The following KCNH6 variants were observed in gnomAD, a reference collection of about 807,000 sequenced individuals.
KCNH6 encodes the protein potassium voltage-gated channel subfamily H member 6.
Under a neutral mutation model 83.4 loss-of-function variants are expected in KCNH6, and 81 were observed. The observed-to-expected ratio is 0.97, with a 90% CI of 0.81 to 1.17. The LOEUF is 1.17. Ranked by LOEUF, KCNH6 falls within the 50% of genes most tolerant of loss-of-function variation. KCNH6 has a pLI of 0.00. For synonymous variants in KCNH6, 503 were observed against 545.6 expected (o/e 0.92, Z 1.09); for missense variants, 1,203 against 1,290.5 (o/e 0.93, Z 1.04).
chr17:63,535,940 C>T lies in KCNH6; in HGVS notation c.1373C>T (p.Ser458Leu), dbSNP rs759261043. 9.9e-6 allele frequency: 16 copies of T among 1,613,878 alleles called. No individual in the cohort carries two copies. The highest frequency in any genetic ancestry group is 1.6e-4 in the Middle Eastern group (1 of 6,084). The change falls in exon 6 of 13, where the codon TCG (serine) becomes TTG (leucine). Residue 458 changes from serine (S) to leucine (L), a missense_variant. Transcript: ENST00000314672. This position sits in a 1 kb window ranked among gnomAD's most constrained non-coding sequence, Gnocchi z 4.9. ...YNGSDPASGP[S>L]VQDKYVTALY... Reference sequence around the variant, plus strand: ...GGCAGCGACCCAGCCTCGGGCCCCTCGGTGCAGGACAAGTATGTCACAGCC... The same window carrying T: ...GGCAGCGACCCAGCCTCGGGCCCCTTGGTGCAGGACAAGTATGTCACAGCC...
At position 63,534,231 on chromosome 17, in the gene KCNH6, T is replaced by G. The variant is rs1292061507; in HGVS notation, c.1021T>G (p.Tyr341Asp). 1 of 1,614,122 alleles carries G rather than the reference T, an allele frequency of 6.2e-7. No homozygotes were observed. The highest frequency in any genetic ancestry group is 8.5e-7 in the Non-Finnish European group (1 of 1,179,984). Residue 341 changes from tyrosine (Y) to aspartate (D), a missense_variant, in exon 5 of 13, where the codon TAC becomes GAC. Transcript: ENST00000314672. This position sits in a 1 kb window ranked among gnomAD's most constrained non-coding sequence, Gnocchi z 5.0. ...CCACCCCCGCCGCATCGCCGTCCACTACTTCAAGGGCTGGTTCCTCATTGA... is the reference window on the plus strand; with the variant it reads ...CCACCCCCGCCGCATCGCCGTCCACGACTTCAAGGGCTGGTTCCTCATTGA... ...VSHPRRIAVH[Y>D]FKGWFLIDMV... is the part of the protein sequence containing the mutation.
intron 2 of KCNH6, among the ~76,000 whole-genome samples, chr17:63,527,960 TC>T (rs757627720): frequency 2.6e-5 from 4 of 152,136 alleles, no homozygotes; most frequent in Non-Finnish European, 5.9e-5. Context: ...TTTGGTCCAT[TC>T]CCAGCCGCAG....
In KCNH6 at chr17:63,538,056, C is replaced by G; in HGVS notation, c.1502-9C>G. On this transcript the variant is annotated splice_polypyrimidine_tract_variant and intron_variant, in intron 6 of 12. Transcript: ENST00000314672. The surrounding 1 kb of genome is among the most constrained non-coding windows in gnomAD (Gnocchi z 4.0). ...CCGCGGAGGAGCTCACTCTCCGCCC[C>G]GCCCCCAGCCCTGATGTACGCCAGC... The G allele has an allele frequency of 6.2e-7, 1 of 1,611,702 alleles. No individual in the cohort carries two copies. Among genetic ancestry groups the G allele is most frequent in the Non-Finnish European group, 8.5e-7 (1 of 1,179,622 alleles).
Position 63,533,643 on chromosome 17 carries a change from G to A in KCNH6, c.676-243G>A, listed in dbSNP as rs1035111699. On this transcript the variant is annotated intron_variant, in intron 4 of 12. Coordinates refer to ENST00000314672, the MANE Select transcript of KCNH6 (RefSeq NM_001278919.2). This position sits in a 1 kb window ranked among gnomAD's most constrained non-coding sequence, Gnocchi z 4.1. ...ATCAAACCTGGTGTCGCTATGGGGC[G>A]GAGCCATACCCCTCCTCTTGCATCC... is the stretch of plus-strand genomic sequence containing the variant. 6.6e-6 allele frequency among the ~76,000 whole-genome samples: 1 copy of A among 152,022 alleles called. No homozygotes were observed. The highest frequency in any genetic ancestry group is 2.4e-5 in the African/African-American group (1 of 41,370).
chr17:63,538,502 C>T lies in KCNH6; in HGVS notation c.1794C>T (p.Ala598=), dbSNP rs1281077710. Residue 598 remains alanine (A), a synonymous_variant, in exon 8 of 13, where the codon GCC becomes GCT. Transcript: ENST00000314672. The surrounding 1 kb of genome is among the most constrained non-coding windows in gnomAD (Gnocchi z 4.0). The part of the protein sequence containing the change: ...LLQHCPAFSG[A]GKGCLRALAV... ...AGCACTGCCCAGCTTTCAGCGGCGC[C>T]GGCAAGGGCTGCCTGCGCGCGCTAG... 2.5e-6 allele frequency: 4 copies of T among 1,602,304 alleles called. No homozygotes were observed. Among genetic ancestry groups the T allele is most frequent in the South Asian group, 1.1e-5 (1 of 89,750 alleles).
intron 4 of KCNH6, among the ~76,000 whole-genome samples, chr17:63,531,800 T>TGGCTGGGCCCATAGTCCC (rs2032132573): frequency 1.3e-5 from 2 of 152,158 alleles, no homozygotes; most frequent in East Asian, 3.9e-4. Flanking sequence ...CAGCCAGGCC[T>TGGCTGGGCCCATAGTCCC]GGCTGGGCCC....
At chr17:63,529,439 C>G (rs1378650132) in intron 2 of KCNH6, among the ~76,000 whole-genome samples, 2 of 152,236 alleles carry the variant, frequency 1.3e-5, no homozygotes, top group African/African-American at 2.4e-5. Flanking sequence ...TCCTCCCAAA[C>G]AAGTCCCTTC....
chr17:63,544,427 T>C lies in KCNH6; in HGVS notation c.2396+16T>C, dbSNP rs774485622. 6.5e-7 allele frequency: 1 copy of C among 1,526,986 alleles called. No individual in the cohort carries two copies. Among genetic ancestry groups the C allele is most frequent in the South Asian group, 1.3e-5 (1 of 76,836 alleles). 94.6% of individuals were successfully genotyped at this position (1,526,986 alleles called of 1,614,324 possible). A position where few individuals can be genotyped will look rare whatever the true frequency, so the allele number is the denominator to read the frequency against. On this transcript the variant is annotated intron_variant, in intron 11 of 12. Coordinates refer to ENST00000314672, the MANE Select transcript of KCNH6 (RefSeq NM_001278919.2). ...AGATGAACAGGTGTGTGTGCTGTGG[T>C]CAGGGCTGGGGGCTGGTCATGGGTA...
At position 63,536,048 on chromosome 17, in the gene KCNH6, T is replaced by C. The variant is rs1409695377; in HGVS notation, c.1481T>C (p.Ile494Thr). The C allele has an allele frequency of 6.2e-7, 1 of 1,613,492 alleles. No homozygotes were observed. Among genetic ancestry groups the C allele is most frequent in the Non-Finnish European group, 8.5e-7 (1 of 1,179,954 alleles). The change falls in exon 6 of 13, where the codon ATC (isoleucine) becomes ACC (threonine). Residue 494 changes from isoleucine to threonine, a missense_variant. Transcript: ENST00000314672. ...ACCAACTCCGAGAAGGTCTTCTCCA[T>C]CTGCGTCATGCTCATCGGCTGTGAG... The part of the protein sequence containing the change: ...PNTNSEKVFS[I>T]CVMLIGSLMY...
intron 10 of KCNH6, 69 bp downstream of exon 10, chr17:63,543,729 C>T (rs2033000807): frequency 1.1e-6 from 1 of 930,332 alleles, no homozygotes; most frequent in African/African-American, 1.6e-5. Context: ...CTCCCATGTC[C>T]TCTCCATCCT....
At chr17:63,548,204 T>C (rs1171975284), downstream of KCNH6, among the ~76,000 whole-genome samples, 1 of 152,008 alleles carries the variant, frequency 6.6e-6, no homozygotes, top group African/African-American at 2.4e-5. Flanking sequence ...AGGTGGAGCT[T>C]GTAGTGAGCC....
At chr17:63,531,806 G>A (rs1211432006) in intron 4 of KCNH6, among the ~76,000 whole-genome samples, 1 of 152,120 alleles carries the variant, frequency 6.6e-6, no homozygotes, top group Admixed American at 6.5e-5. Context: ...GGCCTGGCTG[G>A]GCCCATAGTC....
In KCNH6 at chr17:63,535,531, TG is replaced by T; in HGVS notation, c.1102-137del. ...TCCCATACTGTGCCACACTGCCAAGTGCGTGGCCCGGAGGAAGTTCTCCATA... is the reference window on the plus strand; with the variant it reads ...TCCCATACTGTGCCACACTGCCAAGTCGTGGCCCGGAGGAAGTTCTCCATA... On this transcript the variant is annotated intron_variant, in intron 5 of 12. Coordinates refer to ENST00000314672, the MANE Select transcript of KCNH6 (RefSeq NM_001278919.2). The surrounding 1 kb of genome is among the most constrained non-coding windows in gnomAD (Gnocchi z 4.9). 1.3e-6 allele frequency: 1 copy of T among 752,346 alleles called. No individual in the cohort carries two copies. 46.6% of individuals were successfully genotyped at this position (752,346 alleles called of 1,614,324 possible).
chr17:63,524,127 C>G lies in KCNH6; in HGVS notation c.77-12C>G, dbSNP rs1471606083. 6.2e-7 allele frequency: 1 copy of G among 1,602,706 alleles called. No individual in the cohort carries two copies. The highest frequency in any genetic ancestry group is 8.5e-7 in the Non-Finnish European group (1 of 1,169,894). On this transcript the variant is annotated splice_polypyrimidine_tract_variant and intron_variant, in intron 1 of 12. Transcript: ENST00000314672. ...CTCCCATGGACTTTTTGCCTCCCAC[C>G]TCCCACCCCAGGTCGGAAGTTCCTG...
At position 63,535,167 on chromosome 17, in the gene KCNH6, C is replaced by T. The variant is rs1460401666; in HGVS notation, c.1102-502C>T. Among the ~76,000 whole-genome samples, 1 of 152,238 alleles carries T rather than the reference C, an allele frequency of 6.6e-6. No individual in the cohort carries two copies. Among genetic ancestry groups the T allele is most frequent in the Non-Finnish European group, 1.5e-5 (1 of 68,038 alleles). ...AGTTCATGATGGACCCTGAAGCCCA[C>T]AGGCAGCAGCCCCTGCCCGCCCTGC... On this transcript the variant is annotated intron_variant, in intron 5 of 12. Transcript: ENST00000314672. The surrounding 1 kb of genome is among the most constrained non-coding windows in gnomAD (Gnocchi z 4.9).
rs777887283 is a variant in KCNH6, at chr17:63,524,187, T to C, written c.125T>C (p.Ile42Thr). The change falls in exon 2 of 13, where the codon ATT (isoleucine) becomes ACT (threonine). Residue 42 changes from isoleucine to threonine, a missense_variant. Physicochemically the swap from Ile to Thr is moderately conservative, Grantham distance 89. Transcript: ENST00000314672. ...ANAQMENCAI[I>T]YCNDGFCELF... is the part of the protein sequence containing the mutation. ...GCTCAGATGGAGAACTGCGCCATCA[T>C]TTACTGCAACGACGGCTTCTGCGAA... 2.5e-6 allele frequency: 4 copies of C among 1,614,020 alleles called. No homozygotes were observed. The highest frequency in any genetic ancestry group is 1.3e-5 in the African/African-American group (1 of 74,936).
Position 63,534,555 on chromosome 17 carries a change from G to A in KCNH6, c.1101+244G>A, listed in dbSNP as rs117139388. 1.2e-3 allele frequency among the ~76,000 whole-genome samples: 190 copies of A among 152,170 alleles called. No homozygotes were observed. The highest frequency in any genetic ancestry group is 0.01 in the Middle Eastern group (3 of 294). On this transcript the variant is annotated intron_variant, in intron 5 of 12. Coordinates refer to ENST00000314672, the MANE Select transcript of KCNH6 (RefSeq NM_001278919.2). The surrounding 1 kb of genome is among the most constrained non-coding windows in gnomAD (Gnocchi z 5.0). Reference sequence around the variant, plus strand: ...CTCTCTGAGCAGGCCCTGGTAAGAGGAGCAGGCTGCCCCTTCCAGGATGGG... The same window carrying A: ...CTCTCTGAGCAGGCCCTGGTAAGAGAAGCAGGCTGCCCCTTCCAGGATGGG...
In KCNH6 at chr17:63,524,123, C is replaced by A; in HGVS notation, c.77-16C>A. The A allele has an allele frequency of 6.3e-7, 1 of 1,598,146 alleles. No homozygotes were observed. The highest frequency in any genetic ancestry group is 8.6e-7 in the Non-Finnish European group (1 of 1,165,654). On this transcript the variant is annotated splice_polypyrimidine_tract_variant and intron_variant, in intron 1 of 12. Coordinates refer to ENST00000314672, the MANE Select transcript of KCNH6 (RefSeq NM_001278919.2). ...CTGGCTCCCATGGACTTTTTGCCTC[C>A]CACCTCCCACCCCAGGTCGGAAGTT...
chr17:63,543,531 T>C (rs1227576218), intron 9 of KCNH6, 45 bp from the exon 10 acceptor site: 2 of 1,245,978 alleles, frequency 1.6e-6, no homozygotes, highest in Non-Finnish European at 2.4e-6. Context: ...AGAGGCCCCA[T>C]CCCAGCTTTG....
Sources: gnomAD v4.1 joint callset for allele counts (sites outside exome capture counted in the v4.1 genomes callset) on GRCh38, gnomAD v4.1.1 for gene constraint, Gnocchi (gnomAD v3.1) non-coding constraint, MANE v1.5 for transcripts, NCBI Gene and HGNC (gene_info 2026-07-23, HGNC 2026-07-21) for gene names.